Variants in BRD9 observed in about 807,000 individuals in gnomAD.
BRD9 encodes the protein bromodomain-containing protein 9.
In BRD9, 47 loss-of-function variants were observed where a neutral mutation model predicts 68.7. The observed-to-expected ratio is 0.68, with a 90% CI of 0.54 to 0.87. BRD9 has a LOEUF of 0.87. Among genes scored for constraint, BRD9 ranks in the 40% least tolerant of loss-of-function variants. BRD9 has a pLI of 0.00. For missense variants in BRD9, 670 were observed against 748.4 expected, an observed-to-expected ratio of 0.90 and a Z score of 1.22; for synonymous variants, 313 against 293.9, an observed-to-expected ratio of 1.06 and a Z score of -0.67.
chr5:872,856 G>A (rs1261144325), intron 12 of BRD9, among the ~76,000 whole-genome samples: 2 of 152,178 alleles, frequency 1.3e-5, no homozygotes, highest in Non-Finnish European at 2.9e-5. Flanking sequence ...TTTGTTCCCT[G>A]TAGAAAGTAA....
chr5:875,538 C>G (rs922575425), intron 12 of BRD9, among the ~76,000 whole-genome samples: 2 of 152,024 alleles, frequency 1.3e-5, no homozygotes, highest in South Asian at 2.1e-4. Flanking sequence ...TTAGTAGAGA[C>G]GGGGTTTCAC....
At chr5:870,356 A>C (rs1749960288) in intron 14 of BRD9, 117 bp downstream of exon 14, 1 of 785,958 alleles carries the variant, frequency 1.3e-6, no homozygotes, top group South Asian at 1.7e-5. Flanking sequence ...TACCGTAACA[A>C]AAGATTTTCC....
intron 14 of BRD9, chr5:869,120 C>A: frequency 3.4e-6 from 1 of 297,114 alleles, no homozygotes; most frequent in Non-Finnish European, 6.6e-6. Flanking sequence ...AGGGAAACAT[C>A]TGTAAATGAA....
In BRD9 at chr5:891,707, T is replaced by C; in HGVS notation, c.200A>G (p.Lys67Arg). Residue 67 changes from lysine to arginine, a missense_variant, in exon 2 of 16, where the codon AAA becomes AGA. Lys to Arg is a conservative substitution (Grantham distance 26). Around this residue, in one of 5 missense-constraint regions of BRD9, gnomAD observed 161 missense variants for 148.1 expected, o/e 1.09. Coordinates refer to ENST00000467963, the MANE Select transcript of BRD9 (RefSeq NM_023924.5). ...CTCGGACTTCTTCTTCTTCTTCTTT[T>C]TCTTTTCTTTGTGCCTCTCTCGCTC... ...DHERERHKEK[K>R]KKKKKKSEKE... 6.4e-6 allele frequency: 10 copies of C among 1,551,690 alleles called. No individual in the cohort carries two copies. The highest frequency in any genetic ancestry group is 8.7e-6 in the Non-Finnish European group (10 of 1,147,018).
At chr5:869,662 C>T (rs1262143278) in intron 14 of BRD9, among the ~76,000 whole-genome samples, 3 of 152,230 alleles carry the variant, frequency 2.0e-5, no homozygotes, top group Admixed American at 1.3e-4. Context: ...TTGGCTTCTA[C>T]AACTGCTTAT....
At chr5:877,779 T>C (rs73733929) in intron 11 of BRD9, among the ~76,000 whole-genome samples, 5,709 of 152,248 alleles carry the variant, frequency 0.037, 333 homozygotes, top group African/African-American at 0.13. Context: ...CTGGGGACTT[T>C]AACGGCCTTT....
intron 13 of BRD9, 58 bp from the exon 14 acceptor site, chr5:870,633 T>C: frequency 8.5e-7 from 1 of 1,180,372 alleles, no homozygotes; most frequent in Non-Finnish European, 1.3e-6. Context: ...AACGAAATGT[T>C]ACTTCACACT....
intron 12 of BRD9, among the ~76,000 whole-genome samples, chr5:874,377 G>A (rs757703043): frequency 3.3e-5 from 5 of 152,246 alleles, no homozygotes; most frequent in African/African-American, 1.2e-4. Context: ...ATAAGAAATC[G>A]TTACTCATAT....
Position 865,492 on chromosome 5 carries a change from C to T in BRD9, c.1615G>A (p.Ala539Thr). 6.2e-7 allele frequency: 1 copy of T among 1,607,182 alleles called. No homozygotes were observed. Among genetic ancestry groups the T allele is most frequent in the Non-Finnish European group, 8.5e-7 (1 of 1,177,878 alleles). ...GACGGCCGAGAGCCGCCGCGCTCCG[C>T]CTGTGCTTCGTGCAGGTCCTGCAGG... ...KLLQDLHEAQAERGGSRPSSN... is the reference protein window; with the variant it reads ...KLLQDLHEAQTERGGSRPSSN... The change falls in exon 15 of 16, where the codon GCG (alanine) becomes ACG (threonine). Residue 539 changes from alanine (A) to threonine (T), a missense_variant. Around this residue, in one of 5 missense-constraint regions of BRD9, gnomAD observed 280 missense variants for 281.5 expected, o/e 0.99. Coordinates refer to ENST00000467963, the MANE Select transcript of BRD9 (RefSeq NM_023924.5).
chr5:892,476 GCGTGCCCAGAACCCCTCCCT>G (rs956027449), intron 1 of BRD9, 110 bp downstream of exon 1: 1 of 1,438,652 alleles, frequency 7.0e-7, no homozygotes, highest in Non-Finnish European at 9.1e-7. Context: ...ACCCCCTCCC[GCGTGCCCAGAACCCCTCCCT>G]CGTGGCCAGG....
chr5:885,463 GT>G (rs1345829456), intron 7 of BRD9, among the ~76,000 whole-genome samples: 1 of 152,198 alleles, frequency 6.6e-6, no homozygotes, highest in African/African-American at 2.4e-5. Context: ...CCATACACAT[GT>G]GAGAAGGAAA....
At position 889,129 on chromosome 5, in the gene BRD9, C is replaced by A; in HGVS notation, c.498G>T (p.Thr166=). The stretch of plus-strand genomic sequence containing the variant: ...TTGAATATCCAGGAGCAATTGCATC[C>A]GTGACAGGAAAAGCAAAAAATCCAT... The part of the protein sequence containing the change: ...DPHGFFAFPV[T]DAIAPGYSMI... The change falls in exon 5 of 16, where the codon ACG becomes ACT. Residue 166 remains threonine, a synonymous_variant. Coordinates refer to ENST00000467963, the MANE Select transcript of BRD9 (RefSeq NM_023924.5). 1 of 1,609,300 alleles carries A rather than the reference C, an allele frequency of 6.2e-7. No homozygotes were observed. The highest frequency in any genetic ancestry group is 8.5e-7 in the Non-Finnish European group (1 of 1,179,060).
chr5:870,270 T>C, intron 14 of BRD9: 1 of 556,584 alleles, frequency 1.8e-6, no homozygotes, highest in South Asian at 2.1e-5. Flanking sequence ...TCTCATTAGC[T>C]TAAAAAAGAC....
chr5:875,999 G>C, intron 12 of BRD9, 102 bp downstream of exon 12: 1 of 771,198 alleles, frequency 1.3e-6, no homozygotes, highest in Non-Finnish European at 2.1e-6. Context: ...GAGTCCCTGC[G>C]ACAGCTCCTC....
chr5:891,347 G>C lies in BRD9; in HGVS notation c.268-60C>G, dbSNP rs985863555. ...GAGTAGGCGGGATCCGGACAGGTCTGCCCAATCCCCTCGCAGTTCTCAGGG... is the reference window on the plus strand; with the variant it reads ...GAGTAGGCGGGATCCGGACAGGTCTCCCCAATCCCCTCGCAGTTCTCAGGG... On this transcript the variant is annotated intron_variant, in intron 2 of 15. Coordinates refer to ENST00000467963, the MANE Select transcript of BRD9 (RefSeq NM_023924.5). 8.3e-5 allele frequency: 126 copies of C among 1,524,288 alleles called. 1 individual carries two copies. The highest frequency in any genetic ancestry group is 2.4e-4 in the South Asian group (19 of 80,166). The allele number at this position is 1,524,288 out of a possible 1,614,324, so 94.4% of individuals were successfully genotyped here.
Position 878,301 on chromosome 5 carries a change from A to G in BRD9, c.1271+54T>C. Reference sequence around the variant, plus strand: ...CATGTGGGACTCCACGTCCCACACCAGGGCACAGCTCAAGCTGCACAGCAG... The same window carrying G: ...CATGTGGGACTCCACGTCCCACACCGGGGCACAGCTCAAGCTGCACAGCAG... On this transcript the variant is annotated intron_variant, in intron 11 of 15. Coordinates refer to ENST00000467963, the MANE Select transcript of BRD9 (RefSeq NM_023924.5). The G allele has an allele frequency of 2.5e-6, 4 of 1,603,034 alleles. No homozygotes were observed. The Admixed American group carries it at 6.7e-5, about 27-fold the overall frequency.
At chr5:887,700 CTTCT>C (rs1560927364) in intron 5 of BRD9, among the ~76,000 whole-genome samples, 1 of 152,202 alleles carries the variant, frequency 6.6e-6, no homozygotes. Context: ...AAGCCTGTAA[CTTCT>C]TTCTAAGCAT....
intron 15 of BRD9, 146 bp from the exon 16 acceptor site, chr5:864,714 GGAGA>G (rs1464665646): frequency 1.5e-6 from 1 of 647,216 alleles, no homozygotes; most frequent in Non-Finnish European, 2.7e-6. Flanking sequence ...TCCCTGCCAA[GGAGA>G]GCTGTGTGTA....
chr5:867,370 C>G (rs532576454), intron 14 of BRD9, among the ~76,000 whole-genome samples: 2 of 152,344 alleles, frequency 1.3e-5, no homozygotes, highest in East Asian at 3.9e-4. Context: ...GCCCTCACCC[C>G]ACACAGAGTA....
Sources: allele counts gnomAD v4.1 joint callset (sites outside exome capture counted in the v4.1 genomes callset), GRCh38; gene constraint gnomAD v4.1.1; regional missense constraint gnomAD v4.1.1; transcripts MANE v1.5; gene names NCBI Gene and HGNC (gene_info 2026-07-23, HGNC 2026-07-21).